KDM4B: variants seen among roughly 807,000 people sequenced by gnomAD.
The protein encoded by KDM4B is lysine-specific demethylase 4B.
A neutral mutation model predicts 125.2 loss-of-function variants in KDM4B; 32 were observed. That is an observed-to-expected ratio of 0.26 (90% CI 0.19 to 0.34). KDM4B has a LOEUF of 0.34. Among genes scored for constraint, KDM4B ranks in the 10% least tolerant of loss-of-function variants. The pLI, the probability that KDM4B is intolerant of heterozygous loss-of-function variation, is 1.00. For missense variants in KDM4B, 1,190 were observed against 1,577.7 expected, an observed-to-expected ratio of 0.75 and a Z score of 4.16; for synonymous variants, 721 against 677.9, an observed-to-expected ratio of 1.06 and a Z score of -0.99.
chr19:5,029,852 G>T (rs537152660), intron 2 of KDM4B, among the ~76,000 whole-genome samples: 1 of 152,346 alleles, frequency 6.6e-6, no homozygotes, highest in South Asian at 2.1e-4. Flanking sequence ...CTTAAAAAGT[G>T]CACCAAGTTG....
rs774249112 is a variant in KDM4B, at chr19:5,077,474, C to CGTACG, written c.780+6_780+10dup. 2 of 1,612,440 alleles carry CGTACG rather than the reference C, an allele frequency of 1.2e-6. No individual in the cohort carries two copies. The highest frequency in any genetic ancestry group is 2.2e-5 in the South Asian group (2 of 91,070). Reference sequence around the variant, plus strand: ...GTACGGGATCCCCTTCAGCCGGGTGCGTACGGGTGGGGCCTGCACGCCTGT... The same window carrying CGTACG: ...GTACGGGATCCCCTTCAGCCGGGTGCGTACGGTACGGGTGGGGCCTGCACGCCTGT... On this transcript the variant is annotated splice_donor_region_variant and intron_variant, in intron 8 of 22. Coordinates refer to ENST00000159111, the MANE Select transcript of KDM4B (RefSeq NM_015015.3).
chr19:5,115,279 G>A lies in KDM4B; in HGVS notation c.1116-4374G>A, dbSNP rs1019788574. Among the ~76,000 whole-genome samples, 1 of 152,112 alleles carries A rather than the reference G, an allele frequency of 6.6e-6. No individual in the cohort carries two copies. Among genetic ancestry groups the A allele is most frequent in the African/African-American group, 2.4e-5 (1 of 41,410 alleles). On this transcript the variant is annotated intron_variant, in intron 10 of 22. Transcript: ENST00000159111. The surrounding 1 kb of genome is among the most constrained non-coding windows in gnomAD (Gnocchi z 4.2). ...ACATGGGCAGCCCCTGGGGGTGCTG[G>A]GGGGATGTGGGGGCAACCAGCAGAA...
rs547283097 is a variant in KDM4B, at chr19:5,076,621, T to C, written c.677-746T>C. ...GACCGAGTGACGAGAGCGGCCACAC[T>C]GCATCCTTTCCCCAGGGTCGTGCTC... On this transcript the variant is annotated intron_variant, in intron 7 of 22. Coordinates refer to ENST00000159111, the MANE Select transcript of KDM4B (RefSeq NM_015015.3). The C allele has an allele frequency of 2.4e-3, 343 of 142,026 alleles. 2 individuals carry two copies. The highest frequency in any genetic ancestry group is 3.7e-3 in the Non-Finnish European group (247 of 67,154). 8.8% of individuals were successfully genotyped at this position (142,026 alleles called of 1,614,324 possible). A position where few individuals can be genotyped will look rare whatever the true frequency, so the allele number is the denominator to read the frequency against.
intron 2 of KDM4B, among the ~76,000 whole-genome samples, chr19:5,030,751 C>T (rs543137313): frequency 5.9e-5 from 9 of 152,252 alleles, no homozygotes; most frequent in Non-Finnish European, 1.2e-4. Flanking sequence ...GCCTCTGTGC[C>T]TCCTCAATAA....
intron 18 of KDM4B, among the ~76,000 whole-genome samples, chr19:5,139,222 G>A (rs1384979008): frequency 6.6e-6 from 1 of 152,122 alleles, no homozygotes; most frequent in African/African-American, 2.4e-5. Flanking sequence ...TCTTTCATTT[G>A]GCATAGTTTC....
chr19:5,063,681 G>T (rs1019360032), intron 6 of KDM4B, among the ~76,000 whole-genome samples: 3 of 152,232 alleles, frequency 2.0e-5, no homozygotes, highest in Non-Finnish European at 4.4e-5. Flanking sequence ...TCTGGTCCTT[G>T]TGTCCCCAGT....
chr19:5,089,174 G>A (rs1437120131), intron 9 of KDM4B, among the ~76,000 whole-genome samples: 1 of 152,136 alleles, frequency 6.6e-6, no homozygotes, highest in Admixed American at 6.6e-5. Context: ...GTGAATTGTA[G>A]GGCACACGAA....
Position 5,120,554 on chromosome 19 carries a change from G to C in KDM4B, c.1315+702G>C, listed in dbSNP as rs142791595. On this transcript the variant is annotated intron_variant, in intron 11 of 22. Transcript: ENST00000159111. ...GAACCAGCAGTTGTGAACGGGGTGC[G>C]GGGGGCCGGGAGGCAGTCTCAGAAA... 2.2e-3 allele frequency among the ~76,000 whole-genome samples: 340 copies of C among 152,246 alleles called. 5 individuals are homozygous for C. Among genetic ancestry groups the C allele is most frequent in the African/African-American group, 7.7e-3 (318 of 41,552 alleles).
intron 9 of KDM4B, among the ~76,000 whole-genome samples, chr19:5,098,668 C>T (rs369640195): frequency 5.9e-5 from 9 of 152,230 alleles, no homozygotes; most frequent in Admixed American, 2.6e-4. Context: ...AGAGATGGGG[C>T]CTCTGGGAGG....
At position 4,997,165 on chromosome 19, in the gene KDM4B, T is replaced by C; in HGVS notation, c.-108-19092T>C. Among the ~76,000 whole-genome samples, 1 of 152,370 alleles carries C rather than the reference T, an allele frequency of 6.6e-6. No homozygotes were observed. Among genetic ancestry groups the C allele is most frequent in the Middle Eastern group, 3.4e-3 (1 of 294 alleles). On this transcript the variant is annotated intron_variant, in intron 1 of 22. Coordinates refer to ENST00000159111, the MANE Select transcript of KDM4B (RefSeq NM_015015.3). The surrounding 1 kb of genome is among the most constrained non-coding windows in gnomAD (Gnocchi z 4.2). ...ACGATCAGCCTTGGTGGAGAACCCC[T>C]GTTTTGGAATAACCCTTTCTGTACC... is the stretch of plus-strand genomic sequence containing the variant.
In KDM4B at chr19:5,114,191, C is replaced by T. The variant is rs913869395; in HGVS notation, c.1115+3373C>T. The T allele has an allele frequency of 4.1e-5, 53 of 1,289,634 alleles. No individual in the cohort carries two copies. Among genetic ancestry groups the T allele is most frequent in the South Asian group, 2.7e-4 (22 of 81,040 alleles). 79.9% of individuals were successfully genotyped at this position (1,289,634 alleles called of 1,614,324 possible). ...CTCCTCCATGCAAACTCTTTCCACG[C>T]GAGAAGCGCCATGTGCACGTGCTCC... On this transcript the variant is annotated intron_variant, in intron 10 of 22. Coordinates refer to ENST00000159111, the MANE Select transcript of KDM4B (RefSeq NM_015015.3). This position sits in a 1 kb window ranked among gnomAD's most constrained non-coding sequence, Gnocchi z 5.8.
At position 5,135,579 on chromosome 19, in the gene KDM4B, G is replaced by T. The variant is rs772753983; in HGVS notation, c.2308+18G>T. The T allele has an allele frequency of 1.3e-6, 2 of 1,564,512 alleles. No individual in the cohort carries two copies. Among genetic ancestry groups the T allele is most frequent in the African/African-American group, 1.4e-5 (1 of 73,850 alleles). ...CCATGCCAGTGAGTGCCACTGTGGG[G>T]CCCAGAGGAGCTGCGCCCTCCTTCA... is the stretch of plus-strand genomic sequence containing the variant. On this transcript the variant is annotated intron_variant, in intron 15 of 22. Coordinates refer to ENST00000159111, the MANE Select transcript of KDM4B (RefSeq NM_015015.3).
At chr19:5,038,671 T>C (rs1264332363) in intron 3 of KDM4B, among the ~76,000 whole-genome samples, 1 of 152,200 alleles carries the variant, frequency 6.6e-6, no homozygotes, top group Non-Finnish European at 1.5e-5. Flanking sequence ...GTCTGTCTGC[T>C]CACCCCAGGG....
chr19:5,060,454 AAAAAAAAAAG>A lies in KDM4B; in HGVS notation c.627-10555_627-10546del, dbSNP rs1305496676. Among the ~76,000 whole-genome samples the A allele has an allele frequency of 2.2e-3, 315 of 142,772 alleles. 6 individuals are homozygous for A. The highest frequency in any genetic ancestry group is 6.8e-3 in the African/African-American group (244 of 36,038). 93.7% of individuals were successfully genotyped at this position (142,772 alleles called of 152,430 possible). On this transcript the variant is annotated intron_variant, in intron 6 of 22. Coordinates refer to ENST00000159111, the MANE Select transcript of KDM4B (RefSeq NM_015015.3). ...TCTCCAAAAAAAAAAAAAAAAAAAAAAAAAAAAAAGGGAGCCATGATTGTTCTCCAGCTGC... is the reference window on the plus strand; with the variant it reads ...TCTCCAAAAAAAAAAAAAAAAAAAAAGGAGCCATGATTGTTCTCCAGCTGC...
chr19:5,151,112 G>A (rs1043675832), intron 22 of KDM4B, among the ~76,000 whole-genome samples: 2 of 152,196 alleles, frequency 1.3e-5, no homozygotes, highest in African/African-American at 4.8e-5. Context: ...GCCCCAGCCA[G>A]GGTGCCCACC....
chr19:5,013,380 G>A (rs895416679), intron 1 of KDM4B, among the ~76,000 whole-genome samples: 1 of 152,166 alleles, frequency 6.6e-6, no homozygotes, highest in African/African-American at 2.4e-5. Context: ...CCTTGTCTCC[G>A]CTGAAGTCAG....
At chr19:4,986,976 A>C (rs1263590821) in intron 1 of KDM4B, among the ~76,000 whole-genome samples, 3 of 150,072 alleles carry the variant, frequency 2.0e-5, no homozygotes, top group African/African-American at 7.4e-5. Flanking sequence ...TTTTTTTGTG[A>C]GACGGAGTCT....
At chr19:5,094,976 TCGGGGGCGGCGC>T (rs955058434) in intron 9 of KDM4B, among the ~76,000 whole-genome samples, 65 of 151,674 alleles carry the variant, frequency 4.3e-4, no homozygotes, top group African/African-American at 1.5e-3. Context: ...GGTCTGCAGC[TCGGGGGCGGCGC>T]CGGGGGCGGG....
intron 6 of KDM4B, among the ~76,000 whole-genome samples, chr19:5,061,176 C>G (rs969421935): frequency 2.0e-5 from 3 of 152,204 alleles, no homozygotes; most frequent in Non-Finnish European, 4.4e-5. Flanking sequence ...CTGCGAGAGC[C>G]GAGAGCTCTG....
Sources: gnomAD v4.1 joint callset for allele counts (sites outside exome capture counted in the v4.1 genomes callset) on GRCh38, gnomAD v4.1.1 for gene constraint, Gnocchi (gnomAD v3.1) non-coding constraint, MANE v1.5 for transcripts, NCBI Gene and HGNC (gene_info 2026-07-23, HGNC 2026-07-21) for gene names.